The following WWOX variants were observed in gnomAD, a reference collection of about 807,000 sequenced individuals.
WWOX encodes WW domain-containing oxidoreductase.
WWOX carries 69 observed loss-of-function variants against 46.2 expected under a neutral mutation model. The observed-to-expected ratio is 1.49, with a 90% CI of 1.23 to 1.82. The LOEUF (loss-of-function observed/expected upper bound fraction) is 1.82. Among genes scored for constraint, WWOX ranks in the 40% most tolerant of loss-of-function variants. WWOX has a pLI of 0.00. For missense variants in WWOX, 919 were observed against 542.6 expected (o/e 1.69, Z -6.89); for synonymous variants, 359 against 202.6 (o/e 1.77, Z -6.56).
intron 8 of WWOX, among the ~76,000 whole-genome samples, chr16:78,857,024 A>T (rs1008574962): frequency 2.0e-5 from 3 of 152,208 alleles, no homozygotes; most frequent in Non-Finnish European, 4.4e-5. Flanking sequence ...TTGCATATAC[A>T]AACATAGAAA....
At chr16:79,190,152 G>A (rs2051105045) in intron 8 of WWOX, among the ~76,000 whole-genome samples, 1 of 152,018 alleles carries the variant, frequency 6.6e-6, no homozygotes, top group African/African-American at 2.4e-5. Context: ...AGCCTCCCGA[G>A]TAGCTGGGAT....
intron 5 of WWOX, among the ~76,000 whole-genome samples, chr16:78,174,724 A>T (rs1313379848): frequency 1.3e-5 from 2 of 152,160 alleles, no homozygotes; most frequent in African/African-American, 4.8e-5. Context: ...GTGGTGGCTC[A>T]CACCTGTAAT....
chr16:78,356,653 C>A (rs963801625), intron 5 of WWOX, among the ~76,000 whole-genome samples: 4 of 152,214 alleles, frequency 2.6e-5, no homozygotes, highest in Admixed American at 1.3e-4. Flanking sequence ...GAGGCCAAGG[C>A]GAGTGGATCA....
chr16:78,355,997 C>T (rs1428986650), intron 5 of WWOX, among the ~76,000 whole-genome samples: 1 of 144,814 alleles, frequency 6.9e-6, no homozygotes, highest in African/African-American at 2.5e-5. Context: ...TAATTCACAA[C>T]TTCTTAAGCT....
chr16:78,996,149 T>C lies in WWOX; in HGVS notation c.1057-215459T>C. On this transcript the variant is annotated intron_variant, in intron 8 of 8. Transcript: ENST00000566780. ...CTCAGGCGTAGAATGTTCTTTTTTT[T>C]AATTTTTTTTTTAACGAAACTCACA... 3 of 888,118 alleles carry C rather than the reference T, an allele frequency of 3.4e-6. No homozygotes were observed. The South Asian group carries it at 1.7e-4, about 50-fold the overall frequency. 55.0% of individuals were successfully genotyped at this position (888,118 alleles called of 1,614,324 possible).
chr16:78,885,990 T>A (rs1047437347), intron 8 of WWOX, among the ~76,000 whole-genome samples: 1 of 148,632 alleles, frequency 6.7e-6, no homozygotes, highest in African/African-American at 2.5e-5. Flanking sequence ...AGTAGCACCA[T>A]CTTGGCTTGC....
chr16:78,900,401 C>T (rs1459233703), intron 8 of WWOX, among the ~76,000 whole-genome samples: 1 of 152,044 alleles, frequency 6.6e-6, no homozygotes, highest in African/African-American at 2.4e-5. Flanking sequence ...TGCTGGGCAC[C>T]CAAATAATTT....
chr16:78,276,668 ATC>A (rs1364210909), intron 5 of WWOX, among the ~76,000 whole-genome samples: 2 of 152,210 alleles, frequency 1.3e-5, no homozygotes, highest in Non-Finnish European at 2.9e-5. Flanking sequence ...TGTAGCTGTG[ATC>A]TCTCAGTTGC....
chr16:78,639,742 T>C (rs2046658505), intron 8 of WWOX, among the ~76,000 whole-genome samples: 1 of 152,068 alleles, frequency 6.6e-6, no homozygotes, highest in Non-Finnish European at 1.5e-5. Flanking sequence ...TTTTTGTCTT[T>C]TTTAGTAGAG....
At chr16:78,982,624 C>G (rs754367441) in intron 8 of WWOX, among the ~76,000 whole-genome samples, 13 of 152,094 alleles carry the variant, frequency 8.5e-5, no homozygotes, top group Non-Finnish European at 1.9e-4. Context: ...CAGGAGCAGG[C>G]AGAGAAGGAG....
chr16:78,266,355 C>G (rs2079362757), intron 5 of WWOX, among the ~76,000 whole-genome samples: 1 of 152,188 alleles, frequency 6.6e-6, no homozygotes, highest in South Asian at 2.1e-4. Flanking sequence ...CATTTATAAG[C>G]TATCTGTGGC....
Position 78,671,294 on chromosome 16 carries a change from G to T in WWOX, c.1056+238542G>T, listed in dbSNP as rs181148282. 4.6e-5 allele frequency among the ~76,000 whole-genome samples: 7 copies of T among 152,230 alleles called. No homozygotes were observed. In the East Asian group the frequency reaches 7.7e-4, roughly 17 times the overall value. ...CAAAAAATGAGCCGGGTGTGGTGGG[G>T]CATGCCTGTAGTCCCAGCTACTTGG... On this transcript the variant is annotated intron_variant, in intron 8 of 8. Coordinates refer to ENST00000566780, the MANE Select transcript of WWOX (RefSeq NM_016373.4).
intron 8 of WWOX, among the ~76,000 whole-genome samples, chr16:79,119,678 G>C (rs976500881): frequency 2.0e-5 from 3 of 152,178 alleles, no homozygotes; most frequent in African/African-American, 7.2e-5. Flanking sequence ...TGTCCAGCCG[G>C]GAGGACAGTA....
At chr16:78,496,562 C>T (rs1365750185) in intron 8 of WWOX, 2 of 152,198 alleles carry the variant, frequency 1.3e-5, no homozygotes, top group African/African-American at 4.8e-5. Context: ...ATTGAATCTC[C>T]ATGGACATGT....
intron 8 of WWOX, among the ~76,000 whole-genome samples, chr16:78,644,286 C>T (rs1477529557): frequency 6.6e-6 from 1 of 152,156 alleles, no homozygotes; most frequent in Admixed American, 6.5e-5. Context: ...CCACCCTAAG[C>T]ATCTGATCAG....
chr16:78,572,436 A>G (rs2044739400), intron 8 of WWOX, among the ~76,000 whole-genome samples: 1 of 151,878 alleles, frequency 6.6e-6, no homozygotes, highest in South Asian at 2.1e-4. Context: ...CTCTACTAAA[A>G]ATACAAAAAT....
At chr16:78,381,468 T>A (rs577207663) in intron 5 of WWOX, among the ~76,000 whole-genome samples, 42 of 152,324 alleles carry the variant, frequency 2.8e-4, no homozygotes, top group South Asian at 6.2e-4. Context: ...CCCTGGATGT[T>A]GGGAGCAAGT....
At chr16:78,806,004 T>C (rs2051025861) in intron 8 of WWOX, among the ~76,000 whole-genome samples, 1 of 152,202 alleles carries the variant, frequency 6.6e-6, no homozygotes, top group Admixed American at 6.5e-5. Context: ...CAAGAAATCT[T>C]TCAAAGCCAA....
chr16:79,198,028 C>T (rs1306572117), intron 8 of WWOX, among the ~76,000 whole-genome samples: 1 of 152,040 alleles, frequency 6.6e-6, no homozygotes, highest in East Asian at 1.9e-4. Context: ...GGAACAAGAG[C>T]AGCTTTAGAA....
Sources: allele counts gnomAD v4.1 joint callset (sites outside exome capture counted in the v4.1 genomes callset), GRCh38; gene constraint gnomAD v4.1.1; transcripts MANE v1.5; gene names NCBI Gene and HGNC (gene_info 2026-07-23, HGNC 2026-07-21).